ABCC1: variants seen among roughly 807,000 people sequenced by gnomAD.
The protein encoded by ABCC1 is ATP binding cassette subfamily C member 1 (ABCC1 blood group).
In ABCC1, 83 loss-of-function variants were observed where a neutral mutation model predicts 172.9. The observed-to-expected ratio is 0.48, with a 90% CI of 0.40 to 0.58. ABCC1 has a LOEUF of 0.58. ABCC1 is among the 20% of genes least tolerant of loss of function. ABCC1 has a pLI of 0.00. For synonymous variants in ABCC1, 937 were observed against 825.2 expected, an observed-to-expected ratio of 1.14 and a Z score of -2.32; for missense variants, 1,817 against 2,002.7, an observed-to-expected ratio of 0.91 and a Z score of 1.77.
In ABCC1 at chr16:16,141,405, A is replaced by G. The variant is rs2046121758; in HGVS notation, c.*124A>G. The G allele has an allele frequency of 1.2e-6, 1 of 816,234 alleles. No homozygotes were observed. Among genetic ancestry groups the G allele is most frequent in the South Asian group, 1.6e-5 (1 of 60,870 alleles). The allele number at this position is 816,234 out of a possible 1,614,324, so 50.6% of individuals were successfully genotyped here. On this transcript the variant is annotated 3_prime_UTR_variant, in exon 31 of 31. Transcript: ENST00000399410. ...ACCAAAACATAAAAACCAAACCCAG[A>G]CAACCAAAACATATTCAAAGCAGCA...
At chr16:15,990,414 T>G (rs2046833338) in intron 1 of ABCC1, among the ~76,000 whole-genome samples, 1 of 152,160 alleles carries the variant, frequency 6.6e-6, no homozygotes, top group Non-Finnish European at 1.5e-5. Flanking sequence ...CAGTAGACCG[T>G]AGGACTGACT....
At chr16:15,949,931 A>C in intron 1 of ABCC1, 132 bp downstream of exon 1, 1 of 717,922 alleles carries the variant, frequency 1.4e-6, no homozygotes, top group Non-Finnish European at 1.8e-6. Flanking sequence ...CGGGACCCTC[A>C]CGTCGCCCGC....
At chr16:15,988,532 T>C (rs913104280) in intron 1 of ABCC1, among the ~76,000 whole-genome samples, 3 of 152,038 alleles carry the variant, frequency 2.0e-5, no homozygotes, top group African/African-American at 7.2e-5. Context: ...TGGTGAAACA[T>C]GAGAGTCTGA....
intron 6 of ABCC1, among the ~76,000 whole-genome samples, chr16:16,035,850 ATGCC>A (rs951169286): frequency 1.3e-5 from 2 of 151,762 alleles, no homozygotes; most frequent in Non-Finnish European, 2.9e-5. Flanking sequence ...ACGGTGGCTT[ATGCC>A]TATAATTCCA....
intron 30 of ABCC1, among the ~76,000 whole-genome samples, chr16:16,140,095 G>A (rs1347251616): frequency 6.6e-6 from 1 of 152,220 alleles, no homozygotes; most frequent in Non-Finnish European, 1.5e-5. Context: ...GGATCTAAAG[G>A]AAGAACATTC....
intron 20 of ABCC1, 77 bp downstream of exon 20, chr16:16,102,794 G>A: frequency 2.8e-6 from 4 of 1,409,254 alleles, no homozygotes; most frequent in South Asian, 1.3e-5. Context: ...ACAAAAAAAG[G>A]CCTCAGCCCC....
rs751704324 is a variant in ABCC1 at position 16,036,560 on chromosome 16, G to C, written c.766G>C (p.Val256Leu). The change falls in exon 7 of 31, where the codon GTT becomes CTT. Residue 256 changes from valine (V) to leucine (L), a missense_variant. Physicochemically the swap from Val to Leu is conservative, Grantham distance 32. This residue lies in a region of ABCC1 where 398 missense variants were observed against 384.2 expected (regional missense o/e 1.04). Coordinates refer to ENST00000399410, the MANE Select transcript of ABCC1 (RefSeq NM_004996.4). Reference protein sequence around the residue: ...KEDTSEQVVPVLVKNWKKECA... With the variant: ...KEDTSEQVVPLLVKNWKKECA... The stretch of plus-strand genomic sequence containing the variant: ...GGACACGTCGGAACAAGTCGTGCCT[G>C]TTTTGGTAAAGAACTGGAAGAAGGA... 3 of 1,614,152 alleles carry C rather than the reference G, an allele frequency of 1.9e-6. No homozygotes were observed. Among genetic ancestry groups the C allele is most frequent in the South Asian group, 1.1e-5 (1 of 91,066 alleles).
At position 16,016,586 on chromosome 16, in the gene ABCC1, C is replaced by T. The variant is rs771919617; in HGVS notation, c.580C>T (p.Arg194Cys). ...GCTCGTCTTGTCCTGTTTCTCAGAT[C>T]GCTCACCCCTGTTCTCGGAAACCAT... Reference protein sequence around the residue: ...IQLVLSCFSDRSPLFSETIHD... With the variant: ...IQLVLSCFSDCSPLFSETIHD... The change falls in exon 5 of 31, where the codon CGC becomes TGC. Residue 194 changes from arginine to cysteine, a missense_variant. Transcript: ENST00000399410. 2.0e-5 allele frequency: 33 copies of T among 1,614,018 alleles called. No individual in the cohort carries two copies. The highest frequency in any genetic ancestry group is 2.8e-5 in the Non-Finnish European group (33 of 1,180,038).
chr16:15,978,584 T>A (rs931968038), intron 1 of ABCC1, among the ~76,000 whole-genome samples: 3 of 152,182 alleles, frequency 2.0e-5, no homozygotes, highest in African/African-American at 7.2e-5. Flanking sequence ...GATTCTAAGC[T>A]TTCTGAGGGC....
chr16:16,093,614 C>G (rs1029350636), intron 19 of ABCC1, among the ~76,000 whole-genome samples: 4 of 152,278 alleles, frequency 2.6e-5, no homozygotes, highest in African/African-American at 4.8e-5. Flanking sequence ...TGGGGCACCC[C>G]CCTCTCTCAC....
chr16:16,139,191 G>A (rs543604585), intron 30 of ABCC1, among the ~76,000 whole-genome samples: 88 of 152,354 alleles, frequency 5.8e-4, no homozygotes, highest in African/African-American at 2.0e-3. Flanking sequence ...ATTCCAGAGG[G>A]CAGCAGGTGC....
chr16:16,016,149 GTTTTT>G (rs71137903), intron 4 of ABCC1, among the ~76,000 whole-genome samples: 3 of 84,276 alleles, frequency 3.6e-5, no homozygotes, highest in African/African-American at 4.9e-5. Flanking sequence ...TGTGATCTTG[GTTTTT>G]TTTTTTTTTT....
chr16:15,966,673 C>T (rs1192072639), intron 1 of ABCC1, among the ~76,000 whole-genome samples: 1 of 140,128 alleles, frequency 7.1e-6, no homozygotes, highest in African/African-American at 2.6e-5. Context: ...TTTTTAGAGA[C>T]AGAGACTCAC....
chr16:16,020,644 C>G (rs1238719211), intron 5 of ABCC1, among the ~76,000 whole-genome samples: 1 of 152,126 alleles, frequency 6.6e-6, no homozygotes, highest in East Asian at 1.9e-4. Context: ...GTTTGTCCAC[C>G]CCTGGTCTAA....
chr16:16,012,184 C>G (rs1047134276), intron 3 of ABCC1, among the ~76,000 whole-genome samples: 1 of 152,174 alleles, frequency 6.6e-6, no homozygotes, highest in South Asian at 2.1e-4. Flanking sequence ...AACCCTTTTA[C>G]GTTGTAAATA....
chr16:16,141,386 A>C lies in ABCC1; in HGVS notation c.*105A>C. ...CCAAGCCTCCCACACTGAAACCAAA[A>C]CATAAAAACCAAACCCAGACAACCA... is the stretch of plus-strand genomic sequence containing the variant. On this transcript the variant is annotated 3_prime_UTR_variant, in exon 31 of 31. Transcript: ENST00000399410. The C allele has an allele frequency of 9.4e-7, 1 of 1,063,688 alleles. No homozygotes were observed. The highest frequency in any genetic ancestry group is 1.4e-6 in the Non-Finnish European group (1 of 721,768). 65.9% of individuals were successfully genotyped at this position (1,063,688 alleles called of 1,614,324 possible). A position where few individuals can be genotyped will look rare whatever the true frequency, so the allele number is the denominator to read the frequency against.
chr16:15,965,878 T>G (rs767239449), intron 1 of ABCC1, among the ~76,000 whole-genome samples: 24 of 152,172 alleles, frequency 1.6e-4, no homozygotes, highest in Non-Finnish European at 3.5e-4. Flanking sequence ...AGAGCCACCA[T>G]ACCCAGTCAT....
chr16:16,138,650 C>A (rs1237274034), intron 30 of ABCC1, 92 bp downstream of exon 30: 5 of 1,084,170 alleles, frequency 4.6e-6, no homozygotes, highest in Non-Finnish European at 6.2e-6. Flanking sequence ...CAACACTGTC[C>A]TTATCCCTAG....
Position 16,134,220 on chromosome 16 carries a change from GGA to G in ABCC1, c.3967-126_3967-125del. 3 of 1,147,638 alleles carry G rather than the reference GGA, an allele frequency of 2.6e-6. No individual in the cohort carries two copies. The Admixed American group carries it at 5.5e-5, about 21-fold the overall frequency. The allele number at this position is 1,147,638 out of a possible 1,614,324, so 71.1% of individuals were successfully genotyped here. On this transcript the variant is annotated intron_variant, in intron 27 of 30. Transcript: ENST00000399410. Reference sequence around the variant, plus strand: ...GGAGTGTCTCTGGGCAGCGCGCAAGGGAGAGGGCTGTCGAGTTGGGTTGACCA... The same window carrying G: ...GGAGTGTCTCTGGGCAGCGCGCAAGGGAGGGCTGTCGAGTTGGGTTGACCA...
Sources: allele counts gnomAD v4.1 joint callset (sites outside exome capture counted in the v4.1 genomes callset), GRCh38; gene constraint gnomAD v4.1.1; regional missense constraint gnomAD v4.1.1; transcripts MANE v1.5; gene names NCBI Gene and HGNC (gene_info 2026-07-23, HGNC 2026-07-21).